JMJD1C: variants seen among roughly 807,000 people sequenced by gnomAD.
JMJD1C encodes jumonji domain-containing protein 1C.
In JMJD1C, 31 loss-of-function variants were observed where a neutral mutation model predicts 245.3. The ratio of observed to expected loss-of-function variants is 0.13; its 90% CI spans 0.09 to 0.17. The LOEUF (loss-of-function observed/expected upper bound fraction) is 0.17, where lower values mean the gene tolerates loss of function less well. Ranked by LOEUF, JMJD1C falls within the 10% of genes least tolerant of loss-of-function variation. The pLI is 1.00. For missense variants in JMJD1C, 2,691 were observed against 3,000.2 expected (o/e 0.90, Z 2.41); for synonymous variants, 1,057 against 1,017.4 (o/e 1.04, Z -0.74).
intron 1 of JMJD1C, among the ~76,000 whole-genome samples, chr10:63,445,027 G>A (rs1019177433): frequency 6.6e-6 from 1 of 152,040 alleles, no homozygotes; most frequent in African/African-American, 2.4e-5. Context: ...AGGAGTTCAA[G>A]ACCAGCCTGG....
chr10:63,510,613 G>A (rs1224943671), intron 1 of JMJD1C, among the ~76,000 whole-genome samples: 1 of 152,160 alleles, frequency 6.6e-6, no homozygotes, highest in African/African-American at 2.4e-5. Flanking sequence ...GGCCTAGAAT[G>A]AAGTTTATCT....
chr10:63,237,879 A>G (rs376345445), intron 3 of JMJD1C, among the ~76,000 whole-genome samples: 80 of 151,748 alleles, frequency 5.3e-4, no homozygotes, highest in African/African-American at 1.9e-3. Flanking sequence ...ACACAAAAAG[A>G]AAAAAAGGCG....
At chr10:63,328,012 C>A (rs891674434) in intron 2 of JMJD1C, among the ~76,000 whole-genome samples, 1 of 152,018 alleles carries the variant, frequency 6.6e-6, no homozygotes, top group Non-Finnish European at 1.5e-5. Context: ...CAGTGGCTCA[C>A]GCCTGCAATC....
intron 22 of JMJD1C, among the ~76,000 whole-genome samples, chr10:63,178,229 C>T (rs750532014): frequency 2.6e-5 from 4 of 152,186 alleles, no homozygotes; most frequent in Non-Finnish European, 4.4e-5. Flanking sequence ...GCATGAGACA[C>T]TGTCCCTGGC....
At chr10:63,390,396 C>CA (rs1175198903) in intron 1 of JMJD1C, among the ~76,000 whole-genome samples, 11 of 151,890 alleles carry the variant, frequency 7.2e-5, no homozygotes, top group Non-Finnish European at 1.3e-4. Context: ...AAAAATCTCC[C>CA]AAAAAAGAAG....
chr10:63,330,956 A>G (rs1942077263), intron 2 of JMJD1C, among the ~76,000 whole-genome samples: 1 of 152,162 alleles, frequency 6.6e-6, no homozygotes, highest in African/African-American at 2.4e-5. Flanking sequence ...GCATTCCTCT[A>G]AGGCTCTGCA....
At chr10:63,287,726 T>C (rs1318106507) in intron 2 of JMJD1C, among the ~76,000 whole-genome samples, 2 of 152,154 alleles carry the variant, frequency 1.3e-5, no homozygotes, top group African/African-American at 4.8e-5. Context: ...TATGTGTTCT[T>C]TTCCCCTTAA....
chr10:63,268,647 A>G, intron 2 of JMJD1C: 3 of 950,500 alleles, frequency 3.2e-6, no homozygotes, highest in Non-Finnish European at 3.8e-6. Flanking sequence ...AGGAAGCAGA[A>G]AAATACAAAC....
In JMJD1C at chr10:63,415,717, T is replaced by C. The variant is rs182476582; in HGVS notation, c.169-35235A>G. ...TGTAAAATGAAACTATGTAAGATCA[T>C]GTTCCTTAAATTTTCCTTAAAATCG... On this transcript the variant is annotated intron_variant, in intron 1 of 25. Transcript: ENST00000399262. 4.4e-3 allele frequency among the ~76,000 whole-genome samples: 665 copies of C among 152,320 alleles called. 2 individuals carry two copies. The highest frequency in any genetic ancestry group is 9.8e-3 in the African/African-American group (407 of 41,578).
chr10:63,222,939 A>G lies in JMJD1C; in HGVS notation c.448-2956T>C. On this transcript the variant is annotated intron_variant, in intron 3 of 25. Coordinates refer to ENST00000399262, the MANE Select transcript of JMJD1C (RefSeq NM_032776.3). ...TTAAAAGACAGAAATGAACCCTGCC[A>G]TATAATTCAAATATTGGAGATAATG... is the stretch of plus-strand genomic sequence containing the variant. 2.0e-6 allele frequency: 3 copies of G among 1,503,808 alleles called. No individual in the cohort carries two copies. The South Asian group carries it at 3.4e-5, about 17-fold the overall frequency. 93.2% of individuals were successfully genotyped at this position (1,503,808 alleles called of 1,614,324 possible).
intron 2 of JMJD1C, among the ~76,000 whole-genome samples, chr10:63,303,071 G>A (rs1447366883): frequency 2.6e-5 from 4 of 151,696 alleles, no homozygotes; most frequent in African/African-American, 9.7e-5. Context: ...GAAACTCAAA[G>A]AAAGTAATAG....
intron 3 of JMJD1C, among the ~76,000 whole-genome samples, chr10:63,263,953 TACACATACACACAC>T: frequency 2.9e-5 from 1 of 33,958 alleles, no homozygotes; most frequent in South Asian, 8.1e-4. Flanking sequence ...AAAAAAAAAA[TACACATACACACAC>T]ACACACACAC....
chr10:63,375,154 A>C (rs1464129178), intron 2 of JMJD1C, among the ~76,000 whole-genome samples: 2 of 150,224 alleles, frequency 1.3e-5, no homozygotes, highest in Non-Finnish European at 3.0e-5. Flanking sequence ...CCTAAGCAAC[A>C]GGATATGAAA....
intron 1 of JMJD1C, among the ~76,000 whole-genome samples, chr10:63,436,442 C>T (rs972328077): frequency 6.6e-6 from 1 of 152,166 alleles, no homozygotes; most frequent in African/African-American, 2.4e-5. Flanking sequence ...TTTCCTCTAC[C>T]ATGATTTTCA....
At chr10:63,508,084 T>C (rs1954775906) in intron 1 of JMJD1C, among the ~76,000 whole-genome samples, 1 of 152,158 alleles carries the variant, frequency 6.6e-6, no homozygotes, top group African/African-American at 2.4e-5. Flanking sequence ...TTTAATGAAA[T>C]TCCAGCTTAT....
intron 3 of JMJD1C, among the ~76,000 whole-genome samples, chr10:63,242,401 A>G (rs746037744): frequency 1.6e-4 from 24 of 152,190 alleles, no homozygotes; most frequent in Non-Finnish European, 3.2e-4. Flanking sequence ...GTAGCTACCA[A>G]TAACGGACAC....
intron 3 of JMJD1C, among the ~76,000 whole-genome samples, chr10:63,257,520 T>C (rs1854132969): frequency 6.6e-6 from 1 of 152,226 alleles, no homozygotes; most frequent in Non-Finnish European, 1.5e-5. Flanking sequence ...AAAGGTCATT[T>C]AGTCTAACTC....
chr10:63,465,705 G>A lies in JMJD1C; in HGVS notation c.-43C>T. 1 of 1,599,978 alleles carries A rather than the reference G, an allele frequency of 6.3e-7. No homozygotes were observed. Among genetic ancestry groups the A allele is most frequent in the Non-Finnish European group, 8.5e-7 (1 of 1,177,902 alleles). ...CGGCCGCTGCCTCCTCCAGTGCGAG[G>A]GAACCGATGAAACCTCACTCCTACC... On this transcript the variant is annotated 5_prime_UTR_variant, in exon 1 of 26. Transcript: ENST00000399262.
At chr10:63,340,499 C>T (rs976075190) in intron 2 of JMJD1C, among the ~76,000 whole-genome samples, 9 of 152,192 alleles carry the variant, frequency 5.9e-5, no homozygotes, top group Middle Eastern at 3.4e-3. Flanking sequence ...GATATTCCTA[C>T]GGGTAACGGT....
Sources: gnomAD v4.1 joint callset for allele counts (sites outside exome capture counted in the v4.1 genomes callset) on GRCh38, gnomAD v4.1.1 for gene constraint, MANE v1.5 for transcripts, NCBI Gene and HGNC (gene_info 2026-07-23, HGNC 2026-07-21) for gene names.